Variants in ULK4 observed in about 807,000 individuals in gnomAD.
ULK4 encodes inactive serine/threonine-protein kinase ULK4.
ULK4 carries 133 observed loss-of-function variants against 160.6 expected under a neutral mutation model. The observed-to-expected ratio is 0.83, with a 90% confidence interval of 0.72 to 0.96. The LOEUF is 0.96. ULK4 is among the 40% of genes least tolerant of loss of function. ULK4 has a pLI of 0.00. For synonymous variants in ULK4, 534 were observed against 539.8 expected, an observed-to-expected ratio of 0.99 and a Z score of 0.15; for missense variants, 1,580 against 1,499.5, an observed-to-expected ratio of 1.05 and a Z score of -0.89.
chr3:41,390,787 C>A (rs1404671470), intron 35 of ULK4, among the ~76,000 whole-genome samples: 3 of 152,038 alleles, frequency 2.0e-5, no homozygotes, highest in Admixed American at 2.0e-4. Flanking sequence ...TTACTTCCAA[C>A]TATGTGGTCT....
intron 34 of ULK4, among the ~76,000 whole-genome samples, chr3:41,454,472 G>A (rs1468648120): frequency 1.5e-4 from 23 of 149,148 alleles, no homozygotes; most frequent in African/African-American, 4.7e-4. Context: ...CCTGGTAGGC[G>A]GATGCTGCAG....
In ULK4 at chr3:41,613,407, A is replaced by G. The variant is rs142494038; in HGVS notation, c.3120+2262T>C. The stretch of plus-strand genomic sequence containing the variant: ...AGGCATTTGTAAAAAGAAAAATAAA[A>G]CTGAAATAAATTGGTTAAGGCAATG... On this transcript the variant is annotated intron_variant, in intron 31 of 36. Transcript: ENST00000301831. 3.3e-4 allele frequency among the ~76,000 whole-genome samples: 50 copies of G among 152,310 alleles called. No homozygotes were observed. The East Asian group carries it at 9.1e-3, about 28-fold the overall frequency.
intron 4 of ULK4, among the ~76,000 whole-genome samples, chr3:41,935,580 C>T (rs1292500161): frequency 2.0e-5 from 3 of 151,850 alleles, no homozygotes; most frequent in South Asian, 2.1e-4. Flanking sequence ...AGGCTGGTCT[C>T]GAACTCCTGA....
intron 35 of ULK4, among the ~76,000 whole-genome samples, chr3:41,393,927 G>C (rs191772658): frequency 2.4e-4 from 36 of 152,152 alleles, no homozygotes; most frequent in African/African-American, 8.7e-4. Context: ...CCTAGTTGGT[G>C]GTCTTGGGAA....
Position 41,367,054 on chromosome 3 carries a change from G to C in ULK4, c.3678+31025C>G, listed in dbSNP as rs79588127. 2.4e-3 allele frequency among the ~76,000 whole-genome samples: 372 copies of C among 152,162 alleles called. 2 individuals carry two copies. The highest frequency in any genetic ancestry group is 0.015 in the East Asian group (77 of 5,170). ...CGGAAATCTTTCAAGTTGTCATCAG[G>C]GTACTAATTAGATATTTTTAAAGAC... is the stretch of plus-strand genomic sequence containing the variant. On this transcript the variant is annotated intron_variant, in intron 35 of 36. Transcript: ENST00000301831.
chr3:41,553,792 C>T (rs202065279), intron 32 of ULK4, among the ~76,000 whole-genome samples: 1 of 54,348 alleles, frequency 1.8e-5, no homozygotes, highest in East Asian at 5.3e-4. Context: ...AATGGGGCAT[C>T]CATCCCATCA....
intron 25 of ULK4, among the ~76,000 whole-genome samples, chr3:41,714,225 T>C (rs2037189634): frequency 6.6e-6 from 1 of 152,156 alleles, no homozygotes. Context: ...ATGATAAAAA[T>C]CTGAAATTGA....
chr3:41,588,238 A>G (rs1428180674), intron 31 of ULK4, among the ~76,000 whole-genome samples: 1 of 152,220 alleles, frequency 6.6e-6, no homozygotes, highest in Non-Finnish European at 1.5e-5. Flanking sequence ...TCTGACTGAC[A>G]GTACATTTCA....
At chr3:41,315,767 T>C (rs1459789616) in intron 35 of ULK4, among the ~76,000 whole-genome samples, 3 of 152,060 alleles carry the variant, frequency 2.0e-5, no homozygotes, top group African/African-American at 7.2e-5. Flanking sequence ...GAGTGGCCAA[T>C]AAGCACATGA....
At chr3:41,516,829 T>C (rs1321133311) in intron 32 of ULK4, among the ~76,000 whole-genome samples, 3 of 152,192 alleles carry the variant, frequency 2.0e-5, no homozygotes, top group South Asian at 2.1e-4. Context: ...AAGTGTGTAA[T>C]TGGTTTGTTT....
At position 41,912,880 on chromosome 3, in the gene ULK4, G is replaced by A; in HGVS notation, c.823C>T (p.Leu275=). The stretch of plus-strand genomic sequence containing the variant: ...GCTTTCTTCCAAAATGAATGCTGCA[G>A]TAGCCTTGTCCAAGTCAATCTTTAA... The part of the protein sequence containing the change: ...PQKRLTWTRL[L]QHSFWKKAFA... The change falls in exon 9 of 37, where the codon CTG becomes TTG. Residue 275 remains leucine, a synonymous_variant. Coordinates refer to ENST00000301831, the MANE Select transcript of ULK4 (RefSeq NM_017886.4). 14 of 1,614,084 alleles carry A rather than the reference G, an allele frequency of 8.7e-6. No individual in the cohort carries two copies. Among genetic ancestry groups the A allele is most frequent in the Non-Finnish European group, 1.2e-5 (14 of 1,180,006 alleles).
At chr3:41,577,155 C>T (rs1253402120) in intron 31 of ULK4, among the ~76,000 whole-genome samples, 1 of 151,930 alleles carries the variant, frequency 6.6e-6, no homozygotes, top group Non-Finnish European at 1.5e-5. Context: ...TTATTTAAAG[C>T]TAAAATTTTA....
chr3:41,559,659 C>T lies in ULK4; in HGVS notation c.3226+6366G>A, dbSNP rs564994979. On this transcript the variant is annotated intron_variant, in intron 32 of 36. Coordinates refer to ENST00000301831, the MANE Select transcript of ULK4 (RefSeq NM_017886.4). Reference sequence around the variant, plus strand: ...GAGCATTTTGTCATGTGTGTTTTGGCTGCATAAATGTCTTCTTTTGAGAAG... The same window carrying T: ...GAGCATTTTGTCATGTGTGTTTTGGTTGCATAAATGTCTTCTTTTGAGAAG... Among the ~76,000 whole-genome samples the T allele has an allele frequency of 2.9e-3, 440 of 152,238 alleles. 2 individuals carry two copies. Among genetic ancestry groups the T allele is most frequent in the African/African-American group, 9.9e-3 (413 of 41,552 alleles).
At chr3:41,723,830 C>G (rs2125855149) in intron 22 of ULK4, among the ~76,000 whole-genome samples, 1 of 152,310 alleles carries the variant, frequency 6.6e-6, no homozygotes, top group South Asian at 2.1e-4. Flanking sequence ...CTCCCTTAGC[C>G]CAGTGGGCGC....
At chr3:41,512,392 G>A (rs1420909844) in intron 32 of ULK4, among the ~76,000 whole-genome samples, 2 of 152,280 alleles carry the variant, frequency 1.3e-5, no homozygotes, top group Middle Eastern at 3.4e-3. Flanking sequence ...CATCTAAAAT[G>A]CTCCTAGAAC....
chr3:41,817,789 T>C (rs1192816681), intron 19 of ULK4, among the ~76,000 whole-genome samples: 1 of 151,968 alleles, frequency 6.6e-6, no homozygotes, highest in Non-Finnish European at 1.5e-5. Context: ...TTTTAAGAAA[T>C]AACCAGAATA....
intron 1 of ULK4, among the ~76,000 whole-genome samples, chr3:41,956,514 G>A (rs1481749709): frequency 1.3e-5 from 2 of 151,916 alleles, no homozygotes; most frequent in African/African-American, 2.4e-5. Flanking sequence ...GACAACTTGC[G>A]GTCAAGACCC....
chr3:41,439,081 G>A (rs959926265), intron 34 of ULK4, among the ~76,000 whole-genome samples: 1 of 152,132 alleles, frequency 6.6e-6, no homozygotes, highest in Admixed American at 6.5e-5. Flanking sequence ...GTGAAATGGG[G>A]GTTGGGGTTC....
intron 32 of ULK4, among the ~76,000 whole-genome samples, chr3:41,556,830 C>T (rs575303474): frequency 1.1e-4 from 17 of 151,638 alleles, no homozygotes; most frequent in South Asian, 1.0e-3. Context: ...AATGAATTTT[C>T]GAGAAATACA....
Sources: gnomAD v4.1 joint callset for allele counts (sites outside exome capture counted in the v4.1 genomes callset) on GRCh38, gnomAD v4.1.1 for gene constraint, MANE v1.5 for transcripts, NCBI Gene and HGNC (gene_info 2026-07-23, HGNC 2026-07-21) for gene names.